Variants in LITAF observed in about 807,000 individuals in gnomAD.
LITAF encodes the protein lipopolysaccharide-induced tumor necrosis factor-alpha factor.
LITAF carries 9 observed loss-of-function variants against 14.5 expected under a neutral mutation model. The observed-to-expected ratio is 0.62, with a 90% CI of 0.37 to 1.08. The LOEUF is 1.08. Among genes scored for constraint, LITAF ranks in the 50% least tolerant of loss-of-function variants. LITAF has a pLI of 0.01. For missense variants in LITAF, 206 were observed against 213.4 expected, an observed-to-expected ratio of 0.97 and a Z score of 0.22; for synonymous variants, 98 against 88.2, an observed-to-expected ratio of 1.11 and a Z score of -0.62.
rs151006689 is a variant in LITAF, at chr16:11,625,897, A to G, written c.85+7636T>C. ...CTCATCTGATCCTCACAATGGTCCT[A>G]CGAGGCAGAAAACCTCATGACCCCA... On this transcript the variant is annotated intron_variant, in intron 3 of 3. Transcript: ENST00000574848. Among the ~76,000 whole-genome samples the G allele has an allele frequency of 5.9e-4, 90 of 152,158 alleles. 2 individuals carry two copies. In the East Asian group the frequency reaches 0.014, roughly 24 times the overall value.
At chr16:11,572,822 G>A (rs962736003) in intron 1 of LITAF, among the ~76,000 whole-genome samples, 4 of 152,144 alleles carry the variant, frequency 2.6e-5, no homozygotes, top group African/African-American at 4.8e-5. Context: ...GTAACGCAGC[G>A]GTGTCAGAGA....
chr16:11,566,052 T>C (rs749152257), intron 1 of LITAF, among the ~76,000 whole-genome samples: 13 of 152,038 alleles, frequency 8.6e-5, no homozygotes, highest in Non-Finnish European at 1.8e-4. Flanking sequence ...CTTGAGAGGA[T>C]GAAATGAATC....
intron 1 of LITAF, among the ~76,000 whole-genome samples, chr16:11,583,976 G>A (rs2064774318): frequency 6.6e-6 from 1 of 152,192 alleles, no homozygotes; most frequent in African/African-American, 2.4e-5. Flanking sequence ...CTACAAAGCT[G>A]TTGTCACCTG....
At chr16:11,598,886 C>G (rs1268278140), upstream of LITAF, among the ~76,000 whole-genome samples, 1 of 152,068 alleles carries the variant, frequency 6.6e-6, no homozygotes, top group Non-Finnish European at 1.5e-5. Flanking sequence ...GTGGCGCAAT[C>G]TCGGCTCACT....
In LITAF at chr16:11,553,419, A is replaced by G; in HGVS notation, c.377+114T>C. 8.3e-7 allele frequency: 1 copy of G among 1,206,122 alleles called. No individual in the cohort carries two copies. Among genetic ancestry groups the G allele is most frequent in the Non-Finnish European group, 1.2e-6 (1 of 847,126 alleles). The allele number at this position is 1,206,122 out of a possible 1,614,324, so 74.7% of individuals were successfully genotyped here. A position where few individuals can be genotyped will look rare whatever the true frequency, so the allele number is the denominator to read the frequency against. On this transcript the variant is annotated intron_variant, in intron 3 of 3. Coordinates refer to ENST00000622633, the MANE Select transcript of LITAF (RefSeq NM_001136472.2). This position sits in a 1 kb window ranked among gnomAD's most constrained non-coding sequence, Gnocchi z 7.7. ...GAACCAGATTCCATCTCAAAAAAAA[A>G]CAACACAAATGTCTGGCCCTGAATG... is the stretch of plus-strand genomic sequence containing the variant.
chr16:11,600,803 G>A (rs1268829964), upstream of LITAF, among the ~76,000 whole-genome samples: 4 of 151,960 alleles, frequency 2.6e-5, no homozygotes, highest in East Asian at 1.9e-4. The surrounding 1 kb of genome is among the most constrained non-coding windows in gnomAD (Gnocchi z 4.1). Flanking sequence ...TCCCCTCTCC[G>A]CTGAAAGCCG....
intron 3 of LITAF, among the ~76,000 whole-genome samples, chr16:11,609,436 ACTCCTGAC>A (rs1472624768): frequency 1.3e-5 from 2 of 151,082 alleles, no homozygotes; most frequent in Non-Finnish European, 3.0e-5. Context: ...CTGGTCTTGA[ACTCCTGAC>A]CTCAAGTGAT....
intron 3 of LITAF, among the ~76,000 whole-genome samples, chr16:11,626,923 G>C (rs2065087496): frequency 6.6e-6 from 1 of 151,872 alleles, no homozygotes; most frequent in Non-Finnish European, 1.5e-5. Context: ...GCTCACTGCA[G>C]CCTCTACCTC....
intron 1 of LITAF, 127 bp from the exon 2 acceptor site, chr16:11,556,862 T>C: frequency 1.2e-6 from 1 of 839,226 alleles, no homozygotes; most frequent in Non-Finnish European, 2.0e-6. Context: ...TCCAGCTTTG[T>C]CCAAAAGCTA....
intron 3 of LITAF, among the ~76,000 whole-genome samples, chr16:11,610,277 C>T (rs2064975490): frequency 6.6e-6 from 1 of 152,240 alleles, no homozygotes; most frequent in Non-Finnish European, 1.5e-5. Flanking sequence ...TGTCTGTCTT[C>T]TTTCAGGACC....
chr16:11,621,787 C>T (rs2065053064), intron 3 of LITAF, among the ~76,000 whole-genome samples: 1 of 152,128 alleles, frequency 6.6e-6, no homozygotes. Context: ...ACTGCTTGTG[C>T]TTCCTGAGAT....
At chr16:11,625,398 G>A (rs564796310) in intron 3 of LITAF, among the ~76,000 whole-genome samples, 7 of 152,132 alleles carry the variant, frequency 4.6e-5, no homozygotes, top group African/African-American at 1.7e-4. Flanking sequence ...GAGTAGCTGG[G>A]ACTACAGGCA....
At chr16:11,593,928 G>C (rs1009581754) in intron 1 of LITAF, among the ~76,000 whole-genome samples, 51 of 152,136 alleles carry the variant, frequency 3.4e-4, no homozygotes, top group African/African-American at 1.2e-3. Context: ...TGTAATTCCA[G>C]TACTTTGGGA....
chr16:11,638,225 A>G (rs1290043330), upstream of LITAF, among the ~76,000 whole-genome samples: 1 of 151,312 alleles, frequency 6.6e-6, no homozygotes, highest in African/African-American at 2.4e-5. Flanking sequence ...TCTCAACTGT[A>G]AGATGGGAAC....
At chr16:11,573,421 C>T (rs7188046) in intron 1 of LITAF, among the ~76,000 whole-genome samples, 117,803 of 152,088 alleles carry the variant, frequency 0.77, 46,188 homozygotes, top group African/African-American at 0.88. Context: ...ACTCTTCCTC[C>T]AGAAATGTGT....
At chr16:11,635,535 G>C (rs1938742069) in intron 2 of LITAF, among the ~76,000 whole-genome samples, 1 of 152,174 alleles carries the variant, frequency 6.6e-6, no homozygotes, top group South Asian at 2.1e-4. Flanking sequence ...TAATACACCA[G>C]CTCACACACA....
At chr16:11,550,018 C>T (rs2141683978) in intron 3 of LITAF, among the ~76,000 whole-genome samples, 1 of 152,310 alleles carries the variant, frequency 6.6e-6, no homozygotes, top group Non-Finnish European at 1.5e-5. Context: ...AAGCCAAGGA[C>T]ACCTGGACCT....
chr16:11,567,727 G>A (rs1249314742), intron 1 of LITAF, among the ~76,000 whole-genome samples: 1 of 152,198 alleles, frequency 6.6e-6, no homozygotes, highest in Non-Finnish European at 1.5e-5. Context: ...GCTCACGCCT[G>A]TAATCCCAGC....
chr16:11,628,466 G>A (rs2065098112), intron 3 of LITAF, among the ~76,000 whole-genome samples: 1 of 152,068 alleles, frequency 6.6e-6, no homozygotes, highest in Non-Finnish European at 1.5e-5. Context: ...TCCAATGAAA[G>A]GGAAAAAACA....
Sources: allele counts gnomAD v4.1 joint callset (sites outside exome capture counted in the v4.1 genomes callset), GRCh38; gene constraint gnomAD v4.1.1; non-coding constraint Gnocchi (gnomAD v3.1); transcripts MANE v1.5; gene names NCBI Gene and HGNC (gene_info 2026-07-23, HGNC 2026-07-21).